The following LEPROTL1 variants were observed in gnomAD, a reference collection of about 807,000 sequenced individuals.
LEPROTL1 encodes leptin receptor overlapping transcript like 1, also known as leptin receptor overlapping transcript-like 1.
Under a neutral mutation model 15.4 loss-of-function variants are expected in LEPROTL1, and 6 were observed. The ratio of observed to expected loss-of-function variants is 0.39; its 90% confidence interval spans 0.21 to 0.77. LEPROTL1 has a LOEUF of 0.77. LEPROTL1 is among the 30% of genes least tolerant of loss of function. LEPROTL1 has a pLI of 0.41. For synonymous variants in LEPROTL1, 56 were observed against 52.6 expected, an observed-to-expected ratio of 1.06 and a Z score of -0.28; for missense variants, 128 against 158.1, an observed-to-expected ratio of 0.81 and a Z score of 1.02.
At chr8:30,113,391 A>C (rs934631480), downstream of LEPROTL1, among the ~76,000 whole-genome samples, 4 of 152,214 alleles carry the variant, frequency 2.6e-5, no homozygotes, top group African/African-American at 9.6e-5. Context: ...ACGGGATCGT[A>C]TTGAAGAGGG....
intron 2 of LEPROTL1, among the ~76,000 whole-genome samples, chr8:30,103,222 G>C (rs1358501337): frequency 2.0e-5 from 3 of 152,164 alleles, no homozygotes; most frequent in Non-Finnish European, 4.4e-5. Flanking sequence ...AGGAAGAGCT[G>C]TAAGTGCTAA....
chr8:30,110,649 G>T (rs1387836307), downstream of LEPROTL1, among the ~76,000 whole-genome samples: 1 of 151,938 alleles, frequency 6.6e-6, no homozygotes, highest in Non-Finnish European at 1.5e-5. Context: ...CAGTAGAATC[G>T]CTTGAACCCA....
At chr8:30,105,511 A>G (rs1242941238) in intron 3 of LEPROTL1, among the ~76,000 whole-genome samples, 2 of 148,924 alleles carry the variant, frequency 1.3e-5, no homozygotes, top group Non-Finnish European at 3.0e-5. Context: ...TACCACTTTT[A>G]TACTATAAAT....
chr8:30,103,158 GTTAAA>G (rs1382419769), intron 2 of LEPROTL1, among the ~76,000 whole-genome samples: 2 of 152,180 alleles, frequency 1.3e-5, no homozygotes, highest in Non-Finnish European at 2.9e-5. Context: ...AAGAAAAATG[GTTAAA>G]TTATAGTAAA....
downstream of LEPROTL1, among the ~76,000 whole-genome samples, chr8:30,110,781 C>T (rs1390064220): frequency 6.6e-6 from 1 of 151,866 alleles, no homozygotes; most frequent in Non-Finnish European, 1.5e-5. Context: ...GAAAGAGAAG[C>T]GTTGTGGCAG....
At chr8:30,121,346 G>C (rs186087937) in intron 3 of LEPROTL1, among the ~76,000 whole-genome samples, 21 of 151,998 alleles carry the variant, frequency 1.4e-4, no homozygotes, top group African/African-American at 5.1e-4. Context: ...TTGGCCTCCT[G>C]GGTTCAAGTG....
intron 3 of LEPROTL1, among the ~76,000 whole-genome samples, chr8:30,120,243 T>A (rs1225005984): frequency 6.6e-6 from 1 of 152,112 alleles, no homozygotes; most frequent in Non-Finnish European, 1.5e-5. Context: ...TTGAAGCAGA[T>A]TCTGAGTTGG....
chr8:30,119,469 C>T (rs1334329685), intron 3 of LEPROTL1, among the ~76,000 whole-genome samples: 1 of 152,204 alleles, frequency 6.6e-6, no homozygotes, highest in Non-Finnish European at 1.5e-5. Flanking sequence ...TGAGCTGCCA[C>T]TGCACCGTAT....
intron 4 of LEPROTL1, among the ~76,000 whole-genome samples, chr8:30,135,945 A>G (rs1016876316): frequency 2.0e-5 from 3 of 151,868 alleles, no homozygotes; most frequent in African/African-American, 4.8e-5. Context: ...GAAAATTACA[A>G]TGACACACTC....
chr8:30,111,938 T>G (rs947805972), downstream of LEPROTL1, among the ~76,000 whole-genome samples: 1 of 152,066 alleles, frequency 6.6e-6, no homozygotes, highest in African/African-American at 2.4e-5. Flanking sequence ...CATGGAGATA[T>G]AAAAAGTGGT....
chr8:30,114,672 G>T (rs967589250), intron 3 of LEPROTL1, among the ~76,000 whole-genome samples: 6 of 152,208 alleles, frequency 3.9e-5, no homozygotes, highest in Admixed American at 3.9e-4. Context: ...TCTGATGGGA[G>T]TCCAGATGGG....
At chr8:30,102,369 G>T (rs932401625) in intron 2 of LEPROTL1, among the ~76,000 whole-genome samples, 1 of 151,664 alleles carries the variant, frequency 6.6e-6, no homozygotes, top group East Asian at 1.9e-4. Flanking sequence ...ATTACTTTCC[G>T]GCCGGGTGCG....
downstream of LEPROTL1, among the ~76,000 whole-genome samples, chr8:30,109,885 T>C (rs1802629364): frequency 6.6e-6 from 1 of 151,918 alleles, no homozygotes; most frequent in South Asian, 2.1e-4. Context: ...TTTAACTGTA[T>C]ACTAGATAAT....
At chr8:30,135,567 T>A (rs1465098405) in intron 4 of LEPROTL1, among the ~76,000 whole-genome samples, 4 of 152,132 alleles carry the variant, frequency 2.6e-5, no homozygotes, top group African/African-American at 9.7e-5. Context: ...GAGCTCTTAC[T>A]GCTTCACCAT....
chr8:30,122,473 A>G (rs1485732012), intron 3 of LEPROTL1, among the ~76,000 whole-genome samples: 1 of 152,130 alleles, frequency 6.6e-6, no homozygotes, highest in Non-Finnish European at 1.5e-5. Context: ...CTTTAGAGTT[A>G]GTTTGTCAAT....
chr8:30,121,610 A>G (rs1177533002), intron 3 of LEPROTL1, among the ~76,000 whole-genome samples: 4 of 152,176 alleles, frequency 2.6e-5, no homozygotes, highest in Non-Finnish European at 2.9e-5. Context: ...AAGGAAAGCA[A>G]AAGACATCCT....
In LEPROTL1 at chr8:30,108,010, A is replaced by G. The variant is rs1459447013; in HGVS notation, c.*2148A>G. ...GAATATGCACTGATACAATATTACC[A>G]TTCTTCTATGGAAAGAAAACTTTTG... On this transcript the variant is annotated 3_prime_UTR_variant, in exon 4 of 4. Coordinates refer to ENST00000321250, the MANE Select transcript of LEPROTL1 (RefSeq NM_015344.3). 3 of 949,576 alleles carry G rather than the reference A, an allele frequency of 3.2e-6. No individual in the cohort carries two copies. Among genetic ancestry groups the G allele is most frequent in the African/African-American group, 3.5e-5 (2 of 56,550 alleles). The allele number at this position is 949,576 out of a possible 1,614,324, so 58.8% of individuals were successfully genotyped here.
intron 3 of LEPROTL1, among the ~76,000 whole-genome samples, chr8:30,129,102 TG>T (rs929831637): frequency 3.5e-4 from 53 of 152,250 alleles, no homozygotes; most frequent in African/African-American, 1.1e-3. Flanking sequence ...CATCTCCCTA[TG>T]TTGCCCAGGC....
rs1167042794 is a variant in LEPROTL1 at position 30,096,306 on chromosome 8, TG to T, written c.16+779del. 4.1e-6 allele frequency: 4 copies of T among 982,200 alleles called. No homozygotes were observed. In the East Asian group the frequency reaches 4.5e-4, roughly 111 times the overall value. The allele number at this position is 982,200 out of a possible 1,614,324, so 60.8% of individuals were successfully genotyped here. ...AAAGGAATGTTGCATTTGTTCCACC[TG>T]TTAGGTAGTTTTGTTGTCAGTGTGA... On this transcript the variant is annotated intron_variant, in intron 1 of 3. Transcript: ENST00000321250.
Sources: gnomAD v4.1 joint callset for allele counts (sites outside exome capture counted in the v4.1 genomes callset) on GRCh38, gnomAD v4.1.1 for gene constraint, MANE v1.5 for transcripts, NCBI Gene and HGNC (gene_info 2026-07-23, HGNC 2026-07-21) for gene names.